Variants in GALNT17 observed in about 807,000 individuals in gnomAD.
The protein encoded by GALNT17 is UDP-GalNAc:polypeptide N-acetylgalactosaminyltransferase-like 3.
In GALNT17, 29 loss-of-function variants were observed where a neutral mutation model predicts 63.7. That is an observed-to-expected ratio of 0.46 (90% CI 0.34 to 0.62). The LOEUF is 0.62. Among genes scored for constraint, GALNT17 ranks in the 20% least tolerant of loss-of-function variants. GALNT17 has a pLI of 0.01. For synonymous variants in GALNT17, 305 were observed against 318.3 expected, an observed-to-expected ratio of 0.96 and a Z score of 0.45; for missense variants, 603 against 799.6, an observed-to-expected ratio of 0.75 and a Z score of 2.97.
chr7:71,239,297 C>G, intron 1 of GALNT17, among the ~76,000 whole-genome samples: 1 of 146,866 alleles, frequency 6.8e-6, no homozygotes, highest in African/African-American at 2.5e-5. Flanking sequence ...CTGTCTGTAC[C>G]CCCCCCCAAA....
chr7:71,349,438 G>A (rs2116171413), intron 2 of GALNT17, among the ~76,000 whole-genome samples: 1 of 152,260 alleles, frequency 6.6e-6, no homozygotes, highest in South Asian at 2.1e-4. Flanking sequence ...TCTGAGGATG[G>A]ATGCAGGAAA....
At chr7:71,529,141 A>G (rs541201878) in intron 5 of GALNT17, among the ~76,000 whole-genome samples, 8 of 151,982 alleles carry the variant, frequency 5.3e-5, no homozygotes, top group Non-Finnish European at 1.0e-4. Context: ...TCTCAATTAA[A>G]AATAAATAAA....
intron 6 of GALNT17, among the ~76,000 whole-genome samples, chr7:71,577,128 A>T (rs1273080000): frequency 6.6e-6 from 1 of 152,218 alleles, no homozygotes; most frequent in Non-Finnish European, 1.5e-5. Flanking sequence ...ACCGAATACC[A>T]CATGTTCTCA....
intron 5 of GALNT17, among the ~76,000 whole-genome samples, chr7:71,514,010 A>G (rs1350662392): frequency 2.6e-5 from 4 of 152,130 alleles, no homozygotes; most frequent in Admixed American, 2.6e-4. Context: ...TGGGCAATAC[A>G]GCAAGACTGT....
At chr7:71,156,150 C>T (rs1012705944) in intron 1 of GALNT17, among the ~76,000 whole-genome samples, 3 of 151,288 alleles carry the variant, frequency 2.0e-5, no homozygotes, top group Non-Finnish European at 4.4e-5. Context: ...GAGCTGAGAT[C>T]GTGCCATTGC....
At chr7:71,682,593 C>G (rs376859505) in intron 9 of GALNT17, among the ~76,000 whole-genome samples, 4,829 of 152,044 alleles carry the variant, frequency 0.032, 264 homozygotes, top group African/African-American at 0.11. Context: ...CACCCAAGCT[C>G]GAGTCCAGTG....
At chr7:71,458,386 C>T (rs1315434831) in intron 5 of GALNT17, among the ~76,000 whole-genome samples, 3 of 152,108 alleles carry the variant, frequency 2.0e-5, no homozygotes, top group Admixed American at 6.5e-5. Context: ...GGAGCGGGGG[C>T]GAGTGCTTTT....
chr7:71,418,226 A>G (rs1396471483), intron 4 of GALNT17, among the ~76,000 whole-genome samples: 1 of 152,154 alleles, frequency 6.6e-6, no homozygotes, highest in East Asian at 1.9e-4. Flanking sequence ...CCTATCATCT[A>G]ATTCTCACTG....
At chr7:71,377,099 AATAAAAAT>A (rs1317867873) in intron 2 of GALNT17, among the ~76,000 whole-genome samples, 3 of 56,498 alleles carry the variant, frequency 5.3e-5, no homozygotes, top group Non-Finnish European at 9.6e-5. Flanking sequence ...AAAAAAAAAA[AATAAAAAT>A]AAAAAAAATA....
chr7:71,200,257 G>A (rs986430688), intron 1 of GALNT17, among the ~76,000 whole-genome samples: 1 of 152,144 alleles, frequency 6.6e-6, no homozygotes, highest in Non-Finnish European at 1.5e-5. Flanking sequence ...AGTCTGGCCC[G>A]TGGCTTCGTG....
In GALNT17 at chr7:71,571,480, T is replaced by C; in HGVS notation, c.1080+78T>C. Reference sequence around the variant, plus strand: ...CGTCTTGGTCATCCGTGGGGTGTATTTAAAGCTCCTTACAGCTGATGAATG... The same window carrying C: ...CGTCTTGGTCATCCGTGGGGTGTATCTAAAGCTCCTTACAGCTGATGAATG... On this transcript the variant is annotated intron_variant, in intron 6 of 10. Transcript: ENST00000333538. 3 of 1,115,342 alleles carry C rather than the reference T, an allele frequency of 2.7e-6. No individual in the cohort carries two copies. The South Asian group carries it at 3.8e-5, about 14-fold the overall frequency. 69.1% of individuals were successfully genotyped at this position (1,115,342 alleles called of 1,614,324 possible).
chr7:71,357,999 A>G (rs1010647367), intron 2 of GALNT17, among the ~76,000 whole-genome samples: 2 of 152,224 alleles, frequency 1.3e-5, no homozygotes, highest in African/African-American at 4.8e-5. Context: ...ATAAGGGAAT[A>G]AAAGCTGGCC....
At chr7:71,654,818 C>T (rs1432196150) in intron 6 of GALNT17, among the ~76,000 whole-genome samples, 1 of 152,064 alleles carries the variant, frequency 6.6e-6, no homozygotes, top group Non-Finnish European at 1.5e-5. Context: ...GAGATGGAGT[C>T]TTGCTTGTCG....
At chr7:71,380,040 G>A (rs10236004) in intron 2 of GALNT17, among the ~76,000 whole-genome samples, 6,049 of 152,182 alleles carry the variant, frequency 0.04, 335 homozygotes, top group African/African-American at 0.12. Context: ...CAGGATCCGA[G>A]AGGAAATAGC....
intron 3 of GALNT17, among the ~76,000 whole-genome samples, chr7:71,405,021 C>T (rs1793304150): frequency 6.6e-6 from 1 of 152,210 alleles, no homozygotes; most frequent in Non-Finnish European, 1.5e-5. Context: ...GATCATCATA[C>T]TGGTGCTTTG....
rs535815243 is a variant in GALNT17, at chr7:71,505,472, T to C, written c.963-65813T>C. On this transcript the variant is annotated intron_variant, in intron 5 of 10. Transcript: ENST00000333538. Reference sequence around the variant, plus strand: ...AACATTAGCCATATGGGGTGGCACATACTTGTTGTCCCAGCTACTTACGAG... The same window carrying C: ...AACATTAGCCATATGGGGTGGCACACACTTGTTGTCCCAGCTACTTACGAG... 6.7e-4 allele frequency among the ~76,000 whole-genome samples: 102 copies of C among 152,290 alleles called. 1 individual carries two copies. Among genetic ancestry groups the C allele is most frequent in the Middle Eastern group, 3.4e-3 (1 of 294 alleles).
At chr7:71,283,260 C>T (rs1361109368) in intron 1 of GALNT17, among the ~76,000 whole-genome samples, 1 of 151,994 alleles carries the variant, frequency 6.6e-6, no homozygotes, top group South Asian at 2.1e-4. Context: ...AGGTTCTTTT[C>T]AAACTCCTAG....
intron 1 of GALNT17, among the ~76,000 whole-genome samples, chr7:71,208,032 C>T (rs777675667): frequency 8.6e-5 from 13 of 151,410 alleles, no homozygotes; most frequent in Admixed American, 5.3e-4. Flanking sequence ...CCCCCCTGGG[C>T]GCAAGTGATC....
At chr7:71,413,238 G>A (rs1157086988) in intron 3 of GALNT17, among the ~76,000 whole-genome samples, 1 of 152,088 alleles carries the variant, frequency 6.6e-6, no homozygotes, top group African/African-American at 2.4e-5. Flanking sequence ...TTCCGTTAAT[G>A]CTCCCAGCCA....
Sources: gnomAD v4.1 joint callset for allele counts (sites outside exome capture counted in the v4.1 genomes callset) on GRCh38, gnomAD v4.1.1 for gene constraint, MANE v1.5 for transcripts, NCBI Gene and HGNC (gene_info 2026-07-23, HGNC 2026-07-21) for gene names.